Variants in DDHD1 observed in about 807,000 individuals in gnomAD.
DDHD1 encodes the protein phospholipase DDHD1.
DDHD1 carries 49 observed loss-of-function variants against 96.4 expected under a neutral mutation model. That is an observed-to-expected ratio of 0.51 (90% CI 0.40 to 0.64). The LOEUF (loss-of-function observed/expected upper bound fraction) is 0.64. Among genes scored for constraint, DDHD1 ranks in the 30% least tolerant of loss-of-function variants. The pLI is 0.00. For missense variants in DDHD1, 1,106 were observed against 1,161.2 expected (o/e 0.95, Z 0.69); for synonymous variants, 442 against 446.5 (o/e 0.99, Z 0.13).
At chr14:53,111,661 T>G (rs1053819970) in intron 1 of DDHD1, among the ~76,000 whole-genome samples, 1 of 152,098 alleles carries the variant, frequency 6.6e-6, no homozygotes, top group Admixed American at 6.5e-5. Flanking sequence ...TACATTAGAC[T>G]CAGCAAATTA....
At position 53,152,645 on chromosome 14, in the gene DDHD1, C is replaced by T. The variant is rs750549144; in HGVS notation, c.454G>A (p.Ala152Thr). 1.2e-5 allele frequency: 20 copies of T among 1,613,140 alleles called. No individual in the cohort carries two copies. Among genetic ancestry groups the T allele is most frequent in the Non-Finnish European group, 1.7e-5 (20 of 1,179,886 alleles). ...ACTACCTCATAGCGGTGCCGGGCCG[C>T]CGGGCCGCCAAGCCGGGTACGTTTC... ...ERKRTRLGGP[A>T]ARHRYEVVTE... The change falls in exon 1 of 13, where the codon GCG (alanine) becomes ACG (threonine). Residue 152 changes from alanine (A) to threonine (T), a missense_variant. Ala to Thr is a moderately conservative substitution (Grantham distance 58). This residue lies in a region of DDHD1 where 456 missense variants were observed against 402.4 expected (regional missense o/e 1.13). Transcript: ENST00000673822.
Position 53,153,098 on chromosome 14 carries a change from TGCTGTGGAGAC to T in DDHD1, c.-11_-1del. 7.1e-7 allele frequency: 1 copy of T among 1,407,856 alleles called. No homozygotes were observed. The highest frequency in any genetic ancestry group is 9.1e-7 in the Non-Finnish European group (1 of 1,094,378). 87.2% of individuals were successfully genotyped at this position (1,407,856 alleles called of 1,614,324 possible). On this transcript the variant is annotated 5_prime_UTR_variant, in exon 1 of 13. Coordinates refer to ENST00000673822, the MANE Select transcript of DDHD1 (RefSeq NM_001160148.2). Reference sequence around the variant, plus strand: ...GGGGACCCGCGGCCCGGGTAATTCATGCTGTGGAGACGCCGCCGGCTGTCCGGCGGCGCGCG... The same window carrying T: ...GGGGACCCGCGGCCCGGGTAATTCATGCCGCCGGCTGTCCGGCGGCGCGCG...
chr14:53,106,413 T>C (rs950679543), intron 1 of DDHD1, among the ~76,000 whole-genome samples: 1 of 152,134 alleles, frequency 6.6e-6, no homozygotes, highest in Non-Finnish European at 1.5e-5. Flanking sequence ...AATCCCAGCA[T>C]TCTGAGAGGC....
At chr14:53,143,881 A>G (rs1890807724) in intron 1 of DDHD1, among the ~76,000 whole-genome samples, 1 of 152,224 alleles carries the variant, frequency 6.6e-6, no homozygotes, top group Non-Finnish European at 1.5e-5. Flanking sequence ...CTTTATTCTT[A>G]ATTAGATGGG....
intron 4 of DDHD1, among the ~76,000 whole-genome samples, chr14:53,089,778 A>G (rs1367254824): frequency 6.6e-6 from 1 of 152,240 alleles, no homozygotes; most frequent in Non-Finnish European, 1.5e-5. Context: ...ACCATTCAGG[A>G]CATAGGCATG....
intron 2 of DDHD1, among the ~76,000 whole-genome samples, chr14:53,101,213 C>A (rs915113527): frequency 6.6e-6 from 1 of 152,094 alleles, no homozygotes; most frequent in Admixed American, 6.5e-5. Flanking sequence ...TTTGTAGTTA[C>A]AAATTTGAAT....
intron 1 of DDHD1, 148 bp downstream of exon 1, chr14:53,152,113 G>GAAAGGTGAAGTGTAGAT: frequency 6.0e-6 from 5 of 833,726 alleles, no homozygotes; most frequent in Admixed American, 6.4e-5. Context: ...AGCTGCCGAC[G>GAAAGGTGAAGTGTAGAT]CTCCCTGCTC....
At chr14:53,122,582 G>GGT in intron 1 of DDHD1, among the ~76,000 whole-genome samples, 2 of 143,844 alleles carry the variant, frequency 1.4e-5, no homozygotes, top group South Asian at 2.2e-4. Context: ...TCTGCTAATA[G>GGT]TTTTTTTTTT....
Position 53,062,999 on chromosome 14 carries a change from T to C in DDHD1, c.1710A>G (p.Arg570=). The change falls in exon 7 of 13, where the codon CGA becomes CGG. Residue 570 remains arginine, a synonymous_variant. Transcript: ENST00000673822. The part of the protein sequence containing the change: ...LQKEEELPDE[R]WMSYEERHLL... ...GATGTCGTTCTTCATAGCTCATCCATCGTTCATCAGGCAACTCTTCTTCCT... is the reference window on the plus strand; with the variant it reads ...GATGTCGTTCTTCATAGCTCATCCACCGTTCATCAGGCAACTCTTCTTCCT... 6.3e-7 allele frequency: 1 copy of C among 1,593,342 alleles called. No individual in the cohort carries two copies. The highest frequency in any genetic ancestry group is 1.7e-5 in the Admixed American group (1 of 59,364).
In DDHD1 at chr14:53,059,100, G is replaced by A. The variant is rs1883310734; in HGVS notation, c.1843-474C>T. Among the ~76,000 whole-genome samples, 5 of 152,312 alleles carry A rather than the reference G, an allele frequency of 3.3e-5. No homozygotes were observed. The South Asian group carries it at 1.0e-3, about 32-fold the overall frequency. On this transcript the variant is annotated intron_variant, in intron 8 of 12. Transcript: ENST00000673822. Reference sequence around the variant, plus strand: ...CAACTTTGAAGGCTTTACAGAGGAGGTAGCATATGCATTGGCCAGTAAAAG... The same window carrying A: ...CAACTTTGAAGGCTTTACAGAGGAGATAGCATATGCATTGGCCAGTAAAAG...
chr14:53,094,599 G>T (rs777372608), intron 2 of DDHD1, among the ~76,000 whole-genome samples: 25 of 151,874 alleles, frequency 1.6e-4, no homozygotes, highest in Admixed American at 3.9e-4. Flanking sequence ...CAGCTACTTG[G>T]GAGGCTGAGG....
chr14:53,049,715 T>C (rs1882370674), intron 12 of DDHD1, among the ~76,000 whole-genome samples: 1 of 148,558 alleles, frequency 6.7e-6, no homozygotes, highest in South Asian at 2.1e-4. Flanking sequence ...CTCTCTGGAA[T>C]GCCCAAGTGA....
intron 5 of DDHD1, 131 bp from the exon 6 acceptor site, chr14:53,072,834 T>C (rs1884634968): frequency 2.0e-6 from 1 of 489,482 alleles, no homozygotes; most frequent in Non-Finnish European, 3.6e-6. Context: ...AAGACCAGCT[T>C]TGGCTCTAAT....
chr14:53,101,396 A>G (rs1023758185), intron 2 of DDHD1, among the ~76,000 whole-genome samples: 4 of 152,104 alleles, frequency 2.6e-5, no homozygotes, highest in African/African-American at 4.8e-5. Context: ...TATGACAAAG[A>G]TATGTTCAGT....
chr14:53,095,006 C>T (rs1886760773), intron 2 of DDHD1, among the ~76,000 whole-genome samples: 1 of 152,124 alleles, frequency 6.6e-6, no homozygotes, highest in Non-Finnish European at 1.5e-5. Context: ...ATCCCTAGCA[C>T]CAAACAGAAT....
At chr14:53,116,267 A>G (rs1888536166) in intron 1 of DDHD1, among the ~76,000 whole-genome samples, 1 of 152,210 alleles carries the variant, frequency 6.6e-6, no homozygotes, top group African/African-American at 2.4e-5. Context: ...ACTCCCACAC[A>G]ATAATAATAG....
At chr14:53,084,585 G>A (rs1272025706) in intron 4 of DDHD1, among the ~76,000 whole-genome samples, 2 of 152,228 alleles carry the variant, frequency 1.3e-5, no homozygotes, top group African/African-American at 4.8e-5. Flanking sequence ...TATGGACATT[G>A]AAAAGGATCA....
At chr14:53,146,369 T>C (rs1201675283) in intron 1 of DDHD1, among the ~76,000 whole-genome samples, 8 of 150,938 alleles carry the variant, frequency 5.3e-5, no homozygotes, top group South Asian at 2.1e-4. Flanking sequence ...CCAGGCATGG[T>C]GGCACATGCC....
In DDHD1 at chr14:53,037,967, A is replaced by C. The variant is rs1030509779; in HGVS notation, c.*8801T>G. ...CATAGGGCTAGCCAGTTATCCCAAC[A>C]CCATTTATTGAATACGGATAAAATC... On this transcript the variant is annotated 3_prime_UTR_variant, in exon 13 of 13. Transcript: ENST00000673822. 2.0e-5 allele frequency: 3 copies of C among 152,116 alleles called. No homozygotes were observed. Among genetic ancestry groups the C allele is most frequent in the African/African-American group, 7.2e-5 (3 of 41,430 alleles). 9.4% of individuals were successfully genotyped at this position (152,116 alleles called of 1,614,324 possible). A position where few individuals can be genotyped will look rare whatever the true frequency, so the allele number is the denominator to read the frequency against.
Sources: gnomAD v4.1 joint callset for allele counts (sites outside exome capture counted in the v4.1 genomes callset) on GRCh38, gnomAD v4.1.1 for gene constraint, gnomAD v4.1.1 regional missense constraint, MANE v1.5 for transcripts, NCBI Gene and HGNC (gene_info 2026-07-23, HGNC 2026-07-21) for gene names.